The following ARL15 variants were observed in gnomAD, a reference collection of about 807,000 sequenced individuals.
ARL15 encodes ADP-ribosylation factor-like protein 15.
In ARL15, 19 loss-of-function variants were observed where a neutral mutation model predicts 25.2. The observed-to-expected ratio is 0.75, with a 90% confidence interval of 0.53 to 1.10. ARL15 has a LOEUF of 1.10. Ranked by LOEUF, ARL15 falls within the 50% of genes least tolerant of loss-of-function variation. The pLI is 0.00. For synonymous variants in ARL15, 94 were observed against 86.8 expected (o/e 1.08, Z -0.46); for missense variants, 220 against 246.0 (o/e 0.89, Z 0.71).
chr5:54,003,260 T>C (rs1400146724), intron 4 of ARL15, among the ~76,000 whole-genome samples: 1 of 152,128 alleles, frequency 6.6e-6, no homozygotes, highest in Non-Finnish European at 1.5e-5. Flanking sequence ...ACAGTGAGAA[T>C]GGAATAATGG....
chr5:54,153,543 A>C (rs1382020058), intron 3 of ARL15, among the ~76,000 whole-genome samples: 1 of 152,196 alleles, frequency 6.6e-6, no homozygotes, highest in African/African-American at 2.4e-5. Context: ...TTTGGAGTCA[A>C]AATGACAAAA....
intron 3 of ARL15, among the ~76,000 whole-genome samples, chr5:54,130,738 G>C (rs1264031826): frequency 6.6e-6 from 1 of 152,042 alleles, no homozygotes; most frequent in Non-Finnish European, 1.5e-5. Flanking sequence ...ATTGATTTTT[G>C]GTAGCCAAAA....
intron 1 of ARL15, among the ~76,000 whole-genome samples, chr5:54,219,030 A>G: frequency 6.6e-6 from 1 of 151,906 alleles, no homozygotes; most frequent in East Asian, 1.9e-4. Context: ...GGTTACAGAC[A>G]GAAAACATGT....
chr5:54,156,422 T>C (rs924757886), intron 2 of ARL15, among the ~76,000 whole-genome samples: 3 of 152,216 alleles, frequency 2.0e-5, no homozygotes, highest in Non-Finnish European at 4.4e-5. Context: ...TTTATCACAG[T>C]GCCTGGTACA....
chr5:54,012,850 G>A (rs139969776), intron 4 of ARL15, among the ~76,000 whole-genome samples: 51 of 129,420 alleles, frequency 3.9e-4, no homozygotes, highest in African/African-American at 1.3e-3. Context: ...ATGGAGTCTC[G>A]CTCTGTCGCC....
At chr5:54,283,180 C>T (rs777233721) in intron 1 of ARL15, among the ~76,000 whole-genome samples, 1 of 152,138 alleles carries the variant, frequency 6.6e-6, no homozygotes, top group Non-Finnish European at 1.5e-5. Context: ...TCTGTGGTAG[C>T]CAAAAGGCTT....
chr5:54,289,636 GT>G (rs200975797), intron 1 of ARL15, among the ~76,000 whole-genome samples: 1,485 of 124,906 alleles, frequency 0.012, 9 homozygotes, highest in Middle Eastern at 0.025. Flanking sequence ...AGCTTTCAGT[GT>G]TAAGACTTTC....
At chr5:53,918,791 G>A (rs979324104) in intron 4 of ARL15, among the ~76,000 whole-genome samples, 4 of 151,106 alleles carry the variant, frequency 2.6e-5, no homozygotes, top group Admixed American at 2.6e-4. Flanking sequence ...AAAGAGAGGA[G>A]ATTTTGAAAT....
At chr5:54,022,872 C>A (rs1749651550) in intron 4 of ARL15, among the ~76,000 whole-genome samples, 1 of 152,180 alleles carries the variant, frequency 6.6e-6, no homozygotes, top group Non-Finnish European at 1.5e-5. Flanking sequence ...CTATGCCCTT[C>A]TCCTCTTGAG....
intron 1 of ARL15, among the ~76,000 whole-genome samples, chr5:54,264,976 T>G (rs1279266587): frequency 6.6e-6 from 1 of 152,196 alleles, no homozygotes; most frequent in Non-Finnish European, 1.5e-5. Flanking sequence ...ATTTTGTCTT[T>G]GTTCAGGGTT....
intron 1 of ARL15, among the ~76,000 whole-genome samples, chr5:54,244,893 A>T (rs1471285897): frequency 6.6e-6 from 1 of 152,094 alleles, no homozygotes; most frequent in Non-Finnish European, 1.5e-5. Flanking sequence ...TGAAAATTTT[A>T]AAATTAAAAG....
intron 1 of ARL15, among the ~76,000 whole-genome samples, chr5:54,248,232 A>G (rs997694668): frequency 9.2e-5 from 14 of 152,308 alleles, no homozygotes; most frequent in African/African-American, 2.2e-4. Flanking sequence ...AGAGGTCATG[A>G]GGGTTGTCTC....
intron 1 of ARL15, among the ~76,000 whole-genome samples, chr5:54,232,133 C>A (rs1756688763): frequency 6.6e-6 from 1 of 152,200 alleles, no homozygotes; most frequent in Non-Finnish European, 1.5e-5. Flanking sequence ...TCTCAGCCTC[C>A]ATAGTCTTAG....
rs139899688 is a variant in ARL15, at chr5:54,023,213, A to T, written c.462+89989T>A. On this transcript the variant is annotated intron_variant, in intron 4 of 4. Coordinates refer to ENST00000504924, the MANE Select transcript of ARL15 (RefSeq NM_019087.3). ...ATAATTTTTACATTGGACTTGAATT[A>T]GTAAAATGTTGACACAAATAGGCTG... Among the ~76,000 whole-genome samples, 13 of 152,260 alleles carry T rather than the reference A, an allele frequency of 8.5e-5. No homozygotes were observed. In the East Asian group the frequency reaches 2.5e-3, roughly 29 times the overall value.
At chr5:54,226,307 A>G (rs574733559) in intron 1 of ARL15, among the ~76,000 whole-genome samples, 58 of 152,328 alleles carry the variant, frequency 3.8e-4, no homozygotes, top group African/African-American at 1.4e-3. Flanking sequence ...CGTTTAGAGG[A>G]AATGAAGGAA....
At chr5:54,186,360 C>T (rs1755240757) in intron 1 of ARL15, among the ~76,000 whole-genome samples, 1 of 152,244 alleles carries the variant, frequency 6.6e-6, no homozygotes, top group Non-Finnish European at 1.5e-5. Context: ...AGAGAGGGCA[C>T]AGCTGGATAT....
At chr5:54,054,928 C>T (rs156389) in intron 4 of ARL15, among the ~76,000 whole-genome samples, 6 of 151,932 alleles carry the variant, frequency 3.9e-5, no homozygotes, top group Non-Finnish European at 7.4e-5. Flanking sequence ...CTTCTCCATG[C>T]GACCTAAACA....
At chr5:54,148,029 T>C (rs1265042072) in intron 3 of ARL15, among the ~76,000 whole-genome samples, 1 of 152,070 alleles carries the variant, frequency 6.6e-6, no homozygotes, top group African/African-American at 2.4e-5. Context: ...TGAAAATGCG[T>C]AAGATAAAAA....
At chr5:54,287,645 AC>A (rs1272939809) in intron 1 of ARL15, among the ~76,000 whole-genome samples, 1 of 152,110 alleles carries the variant, frequency 6.6e-6, no homozygotes, top group Non-Finnish European at 1.5e-5. Flanking sequence ...CAATCTACAT[AC>A]TAATTAAAAT....
Sources: allele counts gnomAD v4.1 joint callset (sites outside exome capture counted in the v4.1 genomes callset), GRCh38; gene constraint gnomAD v4.1.1; transcripts MANE v1.5; gene names NCBI Gene and HGNC (gene_info 2026-07-23, HGNC 2026-07-21).